Variants in PCDHGB2 observed in about 807,000 individuals in gnomAD.
The protein encoded by PCDHGB2 is protocadherin gamma-B2.
In PCDHGB2, 55 loss-of-function variants were observed where a neutral mutation model predicts 59.3. That is an observed-to-expected ratio of 0.93 (90% CI 0.75 to 1.16). PCDHGB2 has a LOEUF of 1.16. Ranked by LOEUF, PCDHGB2 falls within the 50% of genes most tolerant of loss-of-function variation. PCDHGB2 has a pLI of 0.00. For missense variants in PCDHGB2, 1,228 were observed against 1,198.5 expected (o/e 1.02, Z -0.36); for synonymous variants, 516 against 512.0 (o/e 1.01, Z -0.11).
chr5:141,427,890 G>T lies in PCDHGB2; in HGVS notation c.2421+65334G>T, dbSNP rs1438515062. 1.9e-6 allele frequency: 3 copies of T among 1,566,844 alleles called. No homozygotes were observed. In the South Asian group the frequency reaches 3.3e-5, roughly 17 times the overall value. Reference sequence around the variant, plus strand: ...GCTCACGATGCAGGCCCACGACCAGGGCTCGCCCGCGCTCAGCGCCAACAT... The same window carrying T: ...GCTCACGATGCAGGCCCACGACCAGTGCTCGCCCGCGCTCAGCGCCAACAT... On this transcript the variant is annotated intron_variant, in intron 1 of 3. Transcript: ENST00000522605.
At chr5:141,415,966 C>A in intron 1 of PCDHGB2, 1 of 405,602 alleles carries the variant, frequency 2.5e-6, no homozygotes, top group East Asian at 5.2e-5. Context: ...AAACTCCAGC[C>A]CCTTAAGCAA....
chr5:141,389,845 C>T, intron 1 of PCDHGB2: 1 of 1,614,054 alleles, frequency 6.2e-7, no homozygotes. Context: ...CCACTCTCGG[C>T]CACTGCCACG....
At chr5:141,474,607 A>C (rs1334447439) in intron 1 of PCDHGB2, among the ~76,000 whole-genome samples, 1 of 152,238 alleles carries the variant, frequency 6.6e-6, no homozygotes, top group Non-Finnish European at 1.5e-5. Context: ...TAGGTCACAT[A>C]TGGCTTTTCA....
At chr5:141,383,559 G>C in intron 1 of PCDHGB2, 1 of 1,612,810 alleles carries the variant, frequency 6.2e-7, no homozygotes, top group Non-Finnish European at 8.5e-7. Context: ...GCGGCGACCC[G>C]CCCCGATCCA....
chr5:141,505,317 G>A, intron 2 of PCDHGB2, 76 bp from the exon 3 acceptor site: 1 of 1,603,092 alleles, frequency 6.2e-7, no homozygotes, highest in Non-Finnish European at 8.5e-7. Flanking sequence ...AGGTTTGGGA[G>A]CCCTGGGAGA....
intron 1 of PCDHGB2, chr5:141,478,583 C>CT (rs754743497): frequency 5.7e-6 from 9 of 1,578,146 alleles, no homozygotes; most frequent in South Asian, 1.1e-5. Flanking sequence ...CCTGTTAGTG[C>CT]TTTTTTATTC....
chr5:141,440,563 T>C (rs1048420758), intron 1 of PCDHGB2: 3 of 152,250 alleles, frequency 2.0e-5, no homozygotes, highest in Admixed American at 6.5e-5. Flanking sequence ...TTAAGTTACG[T>C]ATCTCTGAGT....
At chr5:141,488,859 G>A (rs1033425540) in intron 1 of PCDHGB2, among the ~76,000 whole-genome samples, 12 of 152,204 alleles carry the variant, frequency 7.9e-5, no homozygotes, top group African/African-American at 2.9e-4. Context: ...GCAGCACGAA[G>A]TGAGTGGGGA....
intron 1 of PCDHGB2, chr5:141,398,685 G>T: frequency 6.2e-7 from 1 of 1,613,966 alleles, no homozygotes; most frequent in Non-Finnish European, 8.5e-7. Flanking sequence ...AGGAGAAACA[G>T]GATGGTAGTA....
chr5:141,459,300 A>T (rs954766370), intron 1 of PCDHGB2, among the ~76,000 whole-genome samples: 1 of 152,202 alleles, frequency 6.6e-6, no homozygotes, highest in Non-Finnish European at 1.5e-5. Flanking sequence ...ATCCTATAAC[A>T]TATACTATTT....
chr5:141,419,010 G>A (rs2096312778), intron 1 of PCDHGB2: 2 of 1,613,866 alleles, frequency 1.2e-6, no homozygotes, highest in Non-Finnish European at 8.5e-7. Flanking sequence ...GAAGTCAGGT[G>A]TAGCTTAAGT....
At chr5:141,387,728 C>A (rs1366349422) in intron 1 of PCDHGB2, 3 of 1,221,130 alleles carry the variant, frequency 2.5e-6, no homozygotes, top group Non-Finnish European at 2.2e-6. Flanking sequence ...TCCCCAGCGC[C>A]AGCCTTTACA....
At position 141,510,973 on chromosome 5, in the gene PCDHGB2, G is replaced by A. The variant is rs1448442252; in HGVS notation, c.2596G>A (p.Gly866Arg). 2 of 1,614,042 alleles carry A rather than the reference G, an allele frequency of 1.2e-6. No individual in the cohort carries two copies. Among genetic ancestry groups the A allele is most frequent in the East Asian group, 2.2e-5 (1 of 44,894 alleles). ...AGCTGCTGATGGGAGCTCCACCCTG[G>A]GAGGGGGTGCCGGCACCATGGGATT... ...SEAADGSSTL[G>R]GGAGTMGLSA... Residue 866 changes from glycine (G) to arginine (R), a missense_variant, in exon 4 of 4, where the codon GGA (glycine) becomes AGA (arginine). Gly to Arg is a moderately radical substitution (Grantham distance 125). This residue lies in a region of PCDHGB2 where 433 missense variants were observed against 441.8 expected (regional missense o/e 0.98). Transcript: ENST00000522605.
At chr5:141,430,383 G>A (rs527531595) in intron 1 of PCDHGB2, among the ~76,000 whole-genome samples, 74 of 138,604 alleles carry the variant, frequency 5.3e-4, no homozygotes, top group Admixed American at 8.6e-4. Flanking sequence ...AGCTCATTGG[G>A]AAAAAAAAAA....
intron 1 of PCDHGB2, chr5:141,410,538 T>TG (rs768720792): frequency 8.1e-6 from 13 of 1,613,830 alleles, no homozygotes; most frequent in Non-Finnish European, 1.1e-5. Flanking sequence ...AATGAAGACA[T>TG]GGTTTGCAGT....
intron 1 of PCDHGB2, chr5:141,417,768 C>T: frequency 6.9e-7 from 1 of 1,451,358 alleles, no homozygotes; most frequent in Non-Finnish European, 9.1e-7. Context: ...ACCCGGGACT[C>T]CTCCTGTCCT....
At chr5:141,466,864 C>G (rs925681539) in intron 1 of PCDHGB2, among the ~76,000 whole-genome samples, 24 of 151,910 alleles carry the variant, frequency 1.6e-4, no homozygotes, top group African/African-American at 5.3e-4. Flanking sequence ...TTTTGAAATC[C>G]ACACATTTTT....
At chr5:141,459,814 T>C (rs757306281) in intron 1 of PCDHGB2, among the ~76,000 whole-genome samples, 1 of 152,256 alleles carries the variant, frequency 6.6e-6, no homozygotes, top group African/African-American at 2.4e-5. Flanking sequence ...CTAGAGACAC[T>C]GAGCAACTTT....
rs745612756 is a variant in PCDHGB2 at position 141,487,150 on chromosome 5, T to C, written c.2422-7657T>C. The C allele has an allele frequency of 1.1e-5, 17 of 1,613,960 alleles. No individual in the cohort carries two copies. In the South Asian group the frequency reaches 1.6e-4, roughly 16 times the overall value. On this transcript the variant is annotated intron_variant, in intron 1 of 3. Transcript: ENST00000522605. This position sits in a 1 kb window ranked among gnomAD's most constrained non-coding sequence, Gnocchi z 5.0. The stretch of plus-strand genomic sequence containing the variant: ...GTAGTCCACCACTCTCTACCTCTGT[T>C]ACTCTCTTAGTGTCCTTAGAGGAAG...
Sources: allele counts gnomAD v4.1 joint callset (sites outside exome capture counted in the v4.1 genomes callset), GRCh38; gene constraint gnomAD v4.1.1; regional missense constraint gnomAD v4.1.1; non-coding constraint Gnocchi (gnomAD v3.1); transcripts MANE v1.5; gene names NCBI Gene and HGNC (gene_info 2026-07-23, HGNC 2026-07-21).